ROBO2: variants seen among roughly 807,000 people sequenced by gnomAD.
The protein encoded by ROBO2 is roundabout guidance receptor 2.
ROBO2 carries 53 observed loss-of-function variants against 160.8 expected under a neutral mutation model. That is an observed-to-expected ratio of 0.33 (90% CI 0.26 to 0.41). The LOEUF (loss-of-function observed/expected upper bound fraction) is 0.41, where lower values mean the gene tolerates loss of function less well. ROBO2 is among the 10% of genes least tolerant of loss of function. The pLI, the probability that ROBO2 is intolerant of heterozygous loss-of-function variation, is 1.00. For synonymous variants in ROBO2, 664 were observed against 611.7 expected (o/e 1.09, Z -1.26); for missense variants, 1,577 against 1,722.4 (o/e 0.92, Z 1.49).
chr3:77,022,779 GC>G (rs1164857776), intron 2 of ROBO2, among the ~76,000 whole-genome samples: 1 of 151,844 alleles, frequency 6.6e-6, no homozygotes, highest in Non-Finnish European at 1.5e-5. Flanking sequence ...TTTTTCAATT[GC>G]AGTAAAATAT....
chr3:76,858,999 A>G (rs902983678), intron 2 of ROBO2, among the ~76,000 whole-genome samples: 1 of 152,180 alleles, frequency 6.6e-6, no homozygotes, highest in Non-Finnish European at 1.5e-5. Flanking sequence ...AATCATGTTC[A>G]GATAGAGGAA....
chr3:76,484,505 T>C (rs3849499), intron 2 of ROBO2, among the ~76,000 whole-genome samples: 83,844 of 151,944 alleles, frequency 0.55, 23,281 homozygotes, highest in East Asian at 0.6. Flanking sequence ...CTCAACAGAA[T>C]GCAGGAATTA....
chr3:76,732,536 C>A (rs2093652349), intron 2 of ROBO2, among the ~76,000 whole-genome samples: 1 of 152,108 alleles, frequency 6.6e-6, no homozygotes, highest in African/African-American at 2.4e-5. Context: ...CTTGATGAAC[C>A]TGCTCTCCTC....
At position 77,649,368 on chromosome 3, in the gene ROBO2, T is replaced by C. The variant is rs538973204; in HGVS notation, c.*3313T>C. On this transcript the variant is annotated 3_prime_UTR_variant, in exon 26 of 26. Transcript: ENST00000461745. ...TGATGGAACACCTCTCAATTTCTAT[T>C]CAATAAACTTATGTAATTGTCCATT... 8 of 152,184 alleles carry C rather than the reference T, an allele frequency of 5.3e-5. No homozygotes were observed. The highest frequency in any genetic ancestry group is 8.8e-5 in the Non-Finnish European group (6 of 68,028). The allele number at this position is 152,184 out of a possible 1,614,324, so 9.4% of individuals were successfully genotyped here.
chr3:77,251,034 A>G (rs574528607), intron 2 of ROBO2, among the ~76,000 whole-genome samples: 1 of 152,070 alleles, frequency 6.6e-6, no homozygotes, highest in African/African-American at 2.4e-5. Flanking sequence ...CTCAGGCTGC[A>G]GTTGCAATCT....
At chr3:77,281,226 C>G (rs1020884839) in intron 2 of ROBO2, among the ~76,000 whole-genome samples, 11 of 152,008 alleles carry the variant, frequency 7.2e-5, no homozygotes, top group Admixed American at 2.0e-4. Flanking sequence ...TGGATAAATC[C>G]CAAATTTTTA....
At chr3:77,293,411 T>C (rs1256979910) in intron 2 of ROBO2, among the ~76,000 whole-genome samples, 12 of 132,074 alleles carry the variant, frequency 9.1e-5, no homozygotes, top group South Asian at 2.4e-4. Flanking sequence ...GTAAAATTGA[T>C]GGTTAAACGG....
At chr3:77,429,240 C>G (rs571026146) in intron 2 of ROBO2, among the ~76,000 whole-genome samples, 1 of 152,134 alleles carries the variant, frequency 6.6e-6, no homozygotes, top group Admixed American at 6.5e-5. Flanking sequence ...CATTTTATTT[C>G]TCCATTTACT....
At chr3:76,699,810 C>T (rs1163880201) in intron 2 of ROBO2, among the ~76,000 whole-genome samples, 1 of 152,118 alleles carries the variant, frequency 6.6e-6, no homozygotes, top group Non-Finnish European at 1.5e-5. Context: ...TGACCTTCCT[C>T]CCCCTGTTTC....
chr3:76,399,970 C>T (rs1030325003), intron 2 of ROBO2, among the ~76,000 whole-genome samples: 7 of 151,606 alleles, frequency 4.6e-5, no homozygotes, highest in African/African-American at 1.5e-4. Context: ...TCCATAAATT[C>T]AGGGTGTGAG....
intron 2 of ROBO2, among the ~76,000 whole-genome samples, chr3:76,310,459 G>A (rs1483779162): frequency 2.6e-5 from 4 of 152,172 alleles, no homozygotes; most frequent in African/African-American, 7.2e-5. Context: ...ACAGAGGAGA[G>A]CTGCAACTAC....
intron 2 of ROBO2, among the ~76,000 whole-genome samples, chr3:76,385,692 A>G (rs982765618): frequency 2.6e-5 from 4 of 152,062 alleles, no homozygotes; most frequent in Non-Finnish European, 5.9e-5. Flanking sequence ...TTTTTTTCAT[A>G]CTCTCAAAAT....
At chr3:77,062,373 T>C (rs1373793705) in intron 1 of ROBO2, among the ~76,000 whole-genome samples, 1 of 151,980 alleles carries the variant, frequency 6.6e-6, no homozygotes, top group African/African-American at 2.4e-5. Context: ...TGCAGTGCAG[T>C]TTCTATTAAG....
intron 2 of ROBO2, among the ~76,000 whole-genome samples, chr3:76,894,032 A>G (rs539506905): frequency 1.3e-5 from 2 of 152,256 alleles, no homozygotes; most frequent in South Asian, 2.1e-4. Flanking sequence ...TTGCTCTTTC[A>G]ACAGTAGAGA....
chr3:76,218,237 CT>C (rs1664474783), intron 2 of ROBO2, among the ~76,000 whole-genome samples: 1 of 152,194 alleles, frequency 6.6e-6, no homozygotes, highest in Non-Finnish European at 1.5e-5. Flanking sequence ...GAAGCATTCC[CT>C]TTAAAAACTG....
intron 2 of ROBO2, among the ~76,000 whole-genome samples, chr3:76,907,823 GGTGTGTGTGTGT>G (rs71104638): frequency 3.4e-5 from 5 of 145,430 alleles, no homozygotes; most frequent in Admixed American, 2.7e-4. Flanking sequence ...GTTTGTTTGG[GGTGTGTGTGTGT>G]GTGTGTGTGT....
intron 2 of ROBO2, among the ~76,000 whole-genome samples, chr3:77,224,845 A>G (rs774657865): frequency 1.3e-5 from 2 of 151,816 alleles, no homozygotes; most frequent in Non-Finnish European, 3.0e-5. Context: ...TTAGACATTT[A>G]TTTTTCCCTA....
At position 77,150,415 on chromosome 3, in the gene ROBO2, G is replaced by T. The variant is rs2077455613; in HGVS notation, c.388+52075G>T. ...CGTAAAGAAAGACAAGTAACTTGAG[G>T]TTTCATATTTATTTGTTCGTGTTTG... On this transcript the variant is annotated intron_variant, in intron 2 of 25. Coordinates refer to ENST00000461745, the Ensembl canonical transcript of ROBO2. 2.6e-5 allele frequency among the ~76,000 whole-genome samples: 4 copies of T among 152,162 alleles called. No homozygotes were observed. In the South Asian group the frequency reaches 8.3e-4, roughly 32 times the overall value.
rs576934336 is a variant in ROBO2 at position 76,232,994 on chromosome 3, T to C, written c.109+295392T>C. ...TTTCTAAAGAAGAACTGTCCTCCAG[T>C]CTTTCTAAACCTTCTTGAAAATTTT... is the stretch of plus-strand genomic sequence containing the variant. On this transcript the variant is annotated intron_variant, in intron 2 of 26. Transcript: ENST00000487694. 3.9e-5 allele frequency among the ~76,000 whole-genome samples: 6 copies of C among 152,308 alleles called. No individual in the cohort carries two copies. The East Asian group carries it at 1.2e-3, about 29-fold the overall frequency.
Sources: allele counts gnomAD v4.1 joint callset (sites outside exome capture counted in the v4.1 genomes callset), GRCh38; gene constraint gnomAD v4.1.1; transcripts MANE v1.5; gene names NCBI Gene and HGNC (gene_info 2026-07-23, HGNC 2026-07-21).